Variants in PNPLA7 observed in about 807,000 individuals in gnomAD.
PNPLA7 encodes the protein patatin-like phospholipase domain-containing protein 7.
A neutral mutation model predicts 161.7 loss-of-function variants in PNPLA7; 153 were observed. That is an observed-to-expected ratio of 0.95 (90% CI 0.83 to 1.08). The LOEUF is 1.08. Ranked by LOEUF, PNPLA7 falls within the 50% of genes least tolerant of loss-of-function variation. PNPLA7 has a pLI of 0.00. For missense variants in PNPLA7, 1,739 were observed against 1,856.6 expected (o/e 0.94, Z 1.16); for synonymous variants, 809 against 782.1 (o/e 1.03, Z -0.57).
At chr9:137,542,049 C>T (rs1308003351) in intron 7 of PNPLA7, among the ~76,000 whole-genome samples, 1 of 152,194 alleles carries the variant, frequency 6.6e-6, no homozygotes, top group Non-Finnish European at 1.5e-5. Context: ...TAATTACTTT[C>T]TTACAATTAA....
At chr9:137,475,767 A>G (rs529727194) in intron 25 of PNPLA7, among the ~76,000 whole-genome samples, 1 of 152,248 alleles carries the variant, frequency 6.6e-6, no homozygotes, top group East Asian at 1.9e-4. Context: ...AAATTTCTCA[A>G]CAGCAATACA....
At position 137,523,403 on chromosome 9, in the gene PNPLA7, C is replaced by T. The variant is rs1056755338; in HGVS notation, c.748-546G>A. Among the ~76,000 whole-genome samples the T allele has an allele frequency of 6.6e-6, 1 of 152,162 alleles. No homozygotes were observed. Among genetic ancestry groups the T allele is most frequent in the Non-Finnish European group, 1.5e-5 (1 of 68,036 alleles). On this transcript the variant is annotated intron_variant, in intron 8 of 34. Transcript: ENST00000406427. This position sits in a 1 kb window ranked among gnomAD's most constrained non-coding sequence, Gnocchi z 4.4. ...GGTGAGGAGCCACAGTGGCTCACCGCGTGGATGTGGCCAGCAGAGCTCCAC... is the reference window on the plus strand; with the variant it reads ...GGTGAGGAGCCACAGTGGCTCACCGTGTGGATGTGGCCAGCAGAGCTCCAC...
At chr9:137,550,055 G>GA (rs34754140) in intron 1 of PNPLA7, 113 bp downstream of exon 1, 16,745 of 1,344,392 alleles carry the variant, frequency 0.012, 160 homozygotes, top group Non-Finnish European at 0.016. Context: ...CAGGCGCCAA[G>GA]AAGCCACGGG....
Position 137,491,935 on chromosome 9 carries a change from T to C in PNPLA7, c.2197+1078A>G. ...GATGGGGAGGCCAGGGAGGCTGTGC[T>C]GAGACGGAGATGCAGGACACGCGGG... On this transcript the variant is annotated intron_variant, in intron 20 of 34. Coordinates refer to ENST00000406427, the MANE Select transcript of PNPLA7 (RefSeq NM_001098537.3). 3 of 985,412 alleles carry C rather than the reference T, an allele frequency of 3.0e-6. No individual in the cohort carries two copies. In the South Asian group the frequency reaches 1.4e-4, roughly 46 times the overall value. 61.0% of individuals were successfully genotyped at this position (985,412 alleles called of 1,614,324 possible). A position where few individuals can be genotyped will look rare whatever the true frequency, so the allele number is the denominator to read the frequency against.
chr9:137,480,962 G>A lies in PNPLA7; in HGVS notation c.2409C>T (p.Asp803=). 1 of 1,551,512 alleles carries A rather than the reference G, an allele frequency of 6.4e-7. No homozygotes were observed. Among genetic ancestry groups the A allele is most frequent in the East Asian group, 2.4e-5 (1 of 40,914 alleles). The change falls in exon 22 of 35, where the codon GAC becomes GAT. Residue 803 remains aspartate, a splice_region_variant and synonymous_variant. Transcript: ENST00000406427. ...GAGTCGGGGCTGGCGGCACGCACCTGTCCAGGGCAGCGGAGCCAAGGCGCC... is the reference window on the plus strand; with the variant it reads ...GAGTCGGGGCTGGCGGCACGCACCTATCCAGGGCAGCGGAGCCAAGGCGCC... ...IKRRLGSAAL[D]SVHEYRLSSW... is the part of the protein sequence containing the mutation.
rs1177346228 is a variant in PNPLA7, at chr9:137,467,791, G to A, written c.2883-318C>T. On this transcript the variant is annotated intron_variant, in intron 25 of 34. Transcript: ENST00000406427. The surrounding 1 kb of genome is among the most constrained non-coding windows in gnomAD (Gnocchi z 5.1). ...TGCGCGCCTGTAATCCCAGCTACTC[G>A]GGAGGCTGAGGCAGGAGAATCACCT... 1.3e-5 allele frequency among the ~76,000 whole-genome samples: 2 copies of A among 152,122 alleles called. No homozygotes were observed. Among genetic ancestry groups the A allele is most frequent in the African/African-American group, 2.4e-5 (1 of 41,412 alleles).
chr9:137,525,223 C>T (rs1004914915), intron 8 of PNPLA7, among the ~76,000 whole-genome samples: 9 of 152,238 alleles, frequency 5.9e-5, no homozygotes, highest in African/African-American at 2.2e-4. Flanking sequence ...TGGCAACACA[C>T]ATCAGTGTGC....
At position 137,503,918 on chromosome 9, in the gene PNPLA7, GGAA is replaced by G. The variant is rs200718427; in HGVS notation, c.1473+1693_1473+1695del. On this transcript the variant is annotated intron_variant, in intron 14 of 34. Transcript: ENST00000406427. Reference sequence around the variant, plus strand: ...AAGAAGAAGGAAGAAGAAAGAAGAAGGAAGAAGAAGGAAGAAGAAGAAGGAAGA... The same window carrying G: ...AAGAAGAAGGAAGAAGAAAGAAGAAGGAAGAAGGAAGAAGAAGAAGGAAGA... Among the ~76,000 whole-genome samples, 548 of 15,240 alleles carry G rather than the reference GGAA, an allele frequency of 0.036. 28 individuals are homozygous for G. The East Asian group carries it at 0.4, about 11-fold the overall frequency. 10.0% of individuals were successfully genotyped at this position (15,240 alleles called of 152,430 possible). A position where few individuals can be genotyped will look rare whatever the true frequency, so the allele number is the denominator to read the frequency against.
chr9:137,540,764 T>G lies in PNPLA7; in HGVS notation c.667-42A>C. The G allele has an allele frequency of 6.4e-7, 1 of 1,565,854 alleles. No homozygotes were observed. The highest frequency in any genetic ancestry group is 8.7e-7 in the Non-Finnish European group (1 of 1,150,912). On this transcript the variant is annotated intron_variant, in intron 7 of 34. Coordinates refer to ENST00000406427, the MANE Select transcript of PNPLA7 (RefSeq NM_001098537.3). The surrounding 1 kb of genome is among the most constrained non-coding windows in gnomAD (Gnocchi z 5.1). The stretch of plus-strand genomic sequence containing the variant: ...GAGTGGGTGCCGTCAGGTCTGGGGC[T>G]GCGACCGCGGGGCCTGGCGGAGGCT...
intron 21 of PNPLA7, among the ~76,000 whole-genome samples, chr9:137,482,615 C>T (rs781517034): frequency 6.6e-4 from 100 of 152,240 alleles, no homozygotes; most frequent in Non-Finnish European, 1.3e-3. Context: ...GGGTCTCCTC[C>T]GTGACAGAGT....
intron 14 of PNPLA7, among the ~76,000 whole-genome samples, chr9:137,503,597 G>A (rs1270405557): frequency 2.1e-5 from 3 of 141,522 alleles, no homozygotes; most frequent in Non-Finnish European, 4.7e-5. Context: ...GAGGGAGAAG[G>A]AGAAGGAGGA....
At chr9:137,502,479 G>A (rs567964709) in intron 14 of PNPLA7, among the ~76,000 whole-genome samples, 1 of 149,448 alleles carries the variant, frequency 6.7e-6, no homozygotes, top group South Asian at 2.2e-4. Context: ...TCAAACAGGA[G>A]GGAGAAAGAG....
chr9:137,505,730 G>C lies in PNPLA7; in HGVS notation c.1357C>G (p.Pro453Ala). ...TCTGAGTGCTGGGAGACCGTGGAGG[G>C]TATCTCTGCAACCATCACGCTTTTC... ...SRKSVMVAEI[P>A]STVSQHSESH... The change falls in exon 14 of 35, where the codon CCC (proline) becomes GCC (alanine). Residue 453 changes from proline (P) to alanine (A), a missense_variant. Transcript: ENST00000406427. 6.2e-7 allele frequency: 1 copy of C among 1,614,096 alleles called. No homozygotes were observed. Among genetic ancestry groups the C allele is most frequent in the South Asian group, 1.1e-5 (1 of 91,092 alleles).
Position 137,501,865 on chromosome 9 carries a change from C to G in PNPLA7, c.1474-138G>C, listed in dbSNP as rs543975889. On this transcript the variant is annotated intron_variant, in intron 14 of 34. Transcript: ENST00000406427. ...GGCAAGGCCCTCCTCCGAGGCTGTCCTCCAACAAGGGCCTGATGGACACTG... is the reference window on the plus strand; with the variant it reads ...GGCAAGGCCCTCCTCCGAGGCTGTCGTCCAACAAGGGCCTGATGGACACTG... The G allele has an allele frequency of 2.3e-4, 193 of 847,142 alleles. 2 individuals carry two copies. The African/African-American group carries it at 3.0e-3, about 13-fold the overall frequency. 52.5% of individuals were successfully genotyped at this position (847,142 alleles called of 1,614,324 possible).
intron 11 of PNPLA7, chr9:137,516,574 C>T: frequency 1.0e-6 from 1 of 968,546 alleles, no homozygotes; most frequent in Non-Finnish European, 1.2e-6. Context: ...TTTGGGAGGC[C>T]AAGGTGGGAG....
At chr9:137,487,903 C>T (rs185250527) in intron 20 of PNPLA7, among the ~76,000 whole-genome samples, 1 of 152,378 alleles carries the variant, frequency 6.6e-6, no homozygotes, top group East Asian at 1.9e-4. Flanking sequence ...TCACCGCACG[C>T]ACTTCAGCCC....
At chr9:137,485,995 A>G (rs1588575027) in intron 20 of PNPLA7, among the ~76,000 whole-genome samples, 1 of 151,108 alleles carries the variant, frequency 6.6e-6, no homozygotes, top group Non-Finnish European at 1.5e-5. Flanking sequence ...TCCTGAGGCC[A>G]CCGCGCCACC....
intron 11 of PNPLA7, among the ~76,000 whole-genome samples, chr9:137,518,187 C>A (rs1461673480): frequency 1.4e-3 from 171 of 123,636 alleles, no homozygotes; most frequent in African/African-American, 2.6e-3. Context: ...ACTCCATCCC[C>A]CACTCACTCA....
At chr9:137,535,043 A>G (rs1262628526) in intron 8 of PNPLA7, among the ~76,000 whole-genome samples, 1 of 152,276 alleles carries the variant, frequency 6.6e-6, no homozygotes, top group East Asian at 1.9e-4. Context: ...TAGCTGCAAG[A>G]GAGACCACGT....
Sources: allele counts gnomAD v4.1 joint callset (sites outside exome capture counted in the v4.1 genomes callset), GRCh38; gene constraint gnomAD v4.1.1; non-coding constraint Gnocchi (gnomAD v3.1); transcripts MANE v1.5; gene names NCBI Gene and HGNC (gene_info 2026-07-23, HGNC 2026-07-21).